MLXIP: variants seen among roughly 807,000 people sequenced by gnomAD.
MLXIP encodes the protein MLX interacting protein.
MLXIP carries 30 observed loss-of-function variants against 87.2 expected under a neutral mutation model. The observed-to-expected ratio is 0.34, with a 90% CI of 0.26 to 0.47. The LOEUF (loss-of-function observed/expected upper bound fraction) is 0.47, where lower values mean the gene tolerates loss of function less well. Among genes scored for constraint, MLXIP ranks in the 20% least tolerant of loss-of-function variants. MLXIP has a pLI of 1.00. For synonymous variants in MLXIP, 530 were observed against 514.0 expected (o/e 1.03, Z -0.42); for missense variants, 1,002 against 1,240.1 (o/e 0.81, Z 2.88).
intron 15 of MLXIP, chr12:122,140,734 G>A: frequency 1.5e-6 from 1 of 682,098 alleles, no homozygotes; most frequent in Non-Finnish European, 2.6e-6. Context: ...CTCGGTGCTT[G>A]AGCGGCCCTG....
chr12:122,142,466 A>T lies in MLXIP; in HGVS notation c.*654A>T. 5.2e-6 allele frequency: 2 copies of T among 381,182 alleles called. No homozygotes were observed. The highest frequency in any genetic ancestry group is 6.4e-5 in the Admixed American group (2 of 31,072). The allele number at this position is 381,182 out of a possible 1,614,324, so 23.6% of individuals were successfully genotyped here. A position where few individuals can be genotyped will look rare whatever the true frequency, so the allele number is the denominator to read the frequency against. On this transcript the variant is annotated 3_prime_UTR_variant, in exon 17 of 17. Coordinates refer to ENST00000319080, the MANE Select transcript of MLXIP (RefSeq NM_014938.6). ...GTGGAACACACAGGACCAGAATGGA[A>T]GCGTGTGATGCACGGTGGCTGCTCT...
In MLXIP at chr12:122,144,823, G is replaced by T. The variant is rs1274517468; in HGVS notation, c.*3011G>T. 1 of 151,984 alleles carries T rather than the reference G, an allele frequency of 6.6e-6. No homozygotes were observed. The highest frequency in any genetic ancestry group is 2.4e-5 in the African/African-American group (1 of 41,358). 9.4% of individuals were successfully genotyped at this position (151,984 alleles called of 1,614,324 possible). ...AATCACTTGAACCTGGGAGGCGGAG[G>T]TTGCAGTGAGCTGAGATTGTACCAC... On this transcript the variant is annotated 3_prime_UTR_variant, in exon 17 of 17. Transcript: ENST00000319080.
chr12:122,091,657 T>A (rs1480685187), intron 1 of MLXIP, among the ~76,000 whole-genome samples: 1 of 152,226 alleles, frequency 6.6e-6, no homozygotes. Flanking sequence ...ACCTTTTCTG[T>A]TATTTATTTT....
intron 1 of MLXIP, among the ~76,000 whole-genome samples, chr12:122,108,367 C>CAAAAAA (rs61424369): frequency 1.2e-5 from 1 of 80,528 alleles, no homozygotes; most frequent in African/African-American, 4.9e-5. Context: ...GACTCCATCT[C>CAAAAAA]AAAAAAAAAA....
chr12:122,121,319 T>TG (rs1952780707), intron 1 of MLXIP, among the ~76,000 whole-genome samples: 1 of 148,106 alleles, frequency 6.8e-6, no homozygotes, highest in Non-Finnish European at 1.5e-5. Flanking sequence ...TTTTTTTTTT[T>TG]TTTTTTTTTA....
At chr12:122,122,873 T>A (rs1304065954) in intron 1 of MLXIP, among the ~76,000 whole-genome samples, 17 of 150,694 alleles carry the variant, frequency 1.1e-4, no homozygotes, top group Admixed American at 4.6e-4. Flanking sequence ...TTTTTTTTTT[T>A]AAAGAGACGA....
At chr12:122,092,095 C>T (rs1424044187) in intron 1 of MLXIP, among the ~76,000 whole-genome samples, 21 of 150,464 alleles carry the variant, frequency 1.4e-4, no homozygotes, top group Admixed American at 1.4e-3. Context: ...CTTTTCTTTT[C>T]TTTTTTCTTT....
In MLXIP at chr12:122,142,008, T is replaced by C. The variant is rs1953215777; in HGVS notation, c.*196T>C. The C allele has an allele frequency of 1.3e-6, 1 of 760,500 alleles. No individual in the cohort carries two copies. Among genetic ancestry groups the C allele is most frequent in the African/African-American group, 1.7e-5 (1 of 57,610 alleles). 47.1% of individuals were successfully genotyped at this position (760,500 alleles called of 1,614,324 possible). On this transcript the variant is annotated 3_prime_UTR_variant, in exon 17 of 17. Transcript: ENST00000319080. ...GCCTGCTGACAGCAATAGCCCGCCT[T>C]TGGGAACCCCTTGCTGTGAACTCTC...
chr12:122,109,369 A>G (rs953369233), intron 1 of MLXIP, among the ~76,000 whole-genome samples: 3 of 152,128 alleles, frequency 2.0e-5, no homozygotes, highest in African/African-American at 7.2e-5. Context: ...GTGCCCAACT[A>G]CTTTTTGTAT....
chr12:122,131,071 A>T (rs374645537), intron 7 of MLXIP, 138 bp downstream of exon 7: 2 of 625,106 alleles, frequency 3.2e-6, no homozygotes. Flanking sequence ...TTTTAAACTG[A>T]ACTGTTTTTT....
intron 7 of MLXIP, among the ~76,000 whole-genome samples, chr12:122,131,265 A>G: frequency 6.6e-6 from 1 of 151,990 alleles, no homozygotes; most frequent in Non-Finnish European, 1.5e-5. Flanking sequence ...TTGTGACAGC[A>G]GCAGAAACGT....
chr12:122,098,749 G>T (rs568310990), intron 1 of MLXIP, among the ~76,000 whole-genome samples: 1 of 152,334 alleles, frequency 6.6e-6, no homozygotes, highest in Non-Finnish European at 1.5e-5. Context: ...AGCCATCATT[G>T]TTTTGAATAA....
intron 1 of MLXIP, among the ~76,000 whole-genome samples, chr12:122,113,964 C>T (rs1345255486): frequency 3.0e-4 from 44 of 148,012 alleles, no homozygotes; most frequent in African/African-American, 1.0e-3. Flanking sequence ...GGATTACAGG[C>T]GTGAGCCACT....
At chr12:122,123,321 C>T (rs756064803) in intron 1 of MLXIP, among the ~76,000 whole-genome samples, 1 of 152,072 alleles carries the variant, frequency 6.6e-6, no homozygotes. Flanking sequence ...TCCGGCCCGC[C>T]GTGGCTGGTT....
At chr12:122,118,720 C>T (rs1269609346) in intron 1 of MLXIP, among the ~76,000 whole-genome samples, 1 of 151,190 alleles carries the variant, frequency 6.6e-6, no homozygotes, top group African/African-American at 2.4e-5. Context: ...TGGTGGTACA[C>T]GCCTGTTATC....
At chr12:122,103,823 C>T (rs534095481) in intron 1 of MLXIP, among the ~76,000 whole-genome samples, 1 of 144,558 alleles carries the variant, frequency 6.9e-6, no homozygotes, top group East Asian at 2.0e-4. Context: ...GCCACTGTGC[C>T]CGGCCTAATT....
rs777190401 is a variant in MLXIP at position 122,133,907 on chromosome 12, C to G, written c.1652C>G (p.Pro551Arg). 1.9e-6 allele frequency: 3 copies of G among 1,609,518 alleles called. No homozygotes were observed. In the African/African-American group the frequency reaches 4.0e-5, roughly 22 times the overall value. The change falls in exon 9 of 17, where the codon CCT becomes CGT. Residue 551 changes from proline (P) to arginine (R), a missense_variant. This residue lies in a region of MLXIP where 746 missense variants were observed against 897.0 expected (regional missense o/e 0.83). Coordinates refer to ENST00000319080, the MANE Select transcript of MLXIP (RefSeq NM_014938.6). This position sits in a 1 kb window ranked among gnomAD's most constrained non-coding sequence, Gnocchi z 4.9. Reference protein sequence around the residue: ...PKPVSLTGGRPKQPHKIVPAP... With the variant: ...PKPVSLTGGRRKQPHKIVPAP... ...CCTGTATCCTTGACTGGGGGCAGGCCTAAGCAGCCCCACAAAATAGTGCCT... is the reference window on the plus strand; with the variant it reads ...CCTGTATCCTTGACTGGGGGCAGGCGTAAGCAGCCCCACAAAATAGTGCCT...
chr12:122,115,107 T>C, intron 1 of MLXIP, among the ~76,000 whole-genome samples: 1 of 152,056 alleles, frequency 6.6e-6, no homozygotes, highest in Non-Finnish European at 1.5e-5. Context: ...TATTTCTAGG[T>C]GGCGGAATTG....
At chr12:122,139,650 G>A (rs1247901425) in intron 15 of MLXIP, among the ~76,000 whole-genome samples, 5 of 152,188 alleles carry the variant, frequency 3.3e-5, no homozygotes, top group African/African-American at 1.2e-4. Flanking sequence ...TGTGTGTGCT[G>A]GAAGGGACAG....
Sources: allele counts gnomAD v4.1 joint callset (sites outside exome capture counted in the v4.1 genomes callset), GRCh38; gene constraint gnomAD v4.1.1; regional missense constraint gnomAD v4.1.1; non-coding constraint Gnocchi (gnomAD v3.1); transcripts MANE v1.5; gene names NCBI Gene and HGNC (gene_info 2026-07-23, HGNC 2026-07-21).